Variants in TACC2 observed in about 807,000 individuals in gnomAD.
TACC2 encodes transforming acidic coiled-coil-containing protein 2.
Under a neutral mutation model 227.3 loss-of-function variants are expected in TACC2, and 137 were observed. The ratio of observed to expected loss-of-function variants is 0.60; its 90% confidence interval spans 0.52 to 0.69. The LOEUF is 0.69. Among genes scored for constraint, TACC2 ranks in the 30% least tolerant of loss-of-function variants. The probability of loss-of-function intolerance (pLI) is 0.00; values close to 1 mark genes in which losing one functional copy is unlikely to be tolerated. For synonymous variants in TACC2, 1,523 were observed against 1,487.5 expected, an observed-to-expected ratio of 1.02 and a Z score of -0.55; for missense variants, 3,470 against 3,694.4, an observed-to-expected ratio of 0.94 and a Z score of 1.57.
intron 6 of TACC2, among the ~76,000 whole-genome samples, chr10:122,143,285 A>T (rs2090903377): frequency 6.6e-6 from 1 of 152,200 alleles, no homozygotes; most frequent in African/African-American, 2.4e-5. Context: ...AAACTCACAT[A>T]GCGTGTCCTG....
At chr10:122,227,376 ACT>A (rs1419981457) in intron 13 of TACC2, among the ~76,000 whole-genome samples, 3 of 152,034 alleles carry the variant, frequency 2.0e-5, no homozygotes, top group African/African-American at 2.4e-5. Context: ...TACAAAAGAG[ACT>A]CTGCAGGCTG....
intron 5 of TACC2, among the ~76,000 whole-genome samples, chr10:122,090,843 A>G (rs1032515832): frequency 8.5e-5 from 13 of 152,082 alleles, no homozygotes; most frequent in Admixed American, 4.6e-4. Flanking sequence ...CGACCACCCC[A>G]GGATCCTCCC....
At chr10:122,067,724 T>A (rs2077542956) in intron 3 of TACC2, among the ~76,000 whole-genome samples, 2 of 152,336 alleles carry the variant, frequency 1.3e-5, no homozygotes, top group South Asian at 4.1e-4. Flanking sequence ...CAGGCTGGTC[T>A]CGAACTCCTG....
intron 1 of TACC2, among the ~76,000 whole-genome samples, chr10:121,998,029 C>T (rs540748051): frequency 3.3e-5 from 5 of 151,948 alleles, no homozygotes; most frequent in Admixed American, 6.6e-5. Context: ...GAAGACTCCT[C>T]GGCTGGGCAC....
chr10:122,087,981 C>A lies in TACC2; in HGVS notation c.5459+22C>A, dbSNP rs113959513. The A allele has an allele frequency of 3.5e-3, 5,254 of 1,493,384 alleles. 14 individuals carry two copies. The highest frequency in any genetic ancestry group is 3.8e-3 in the Non-Finnish European group (4,245 of 1,122,674). 92.5% of individuals were successfully genotyped at this position (1,493,384 alleles called of 1,614,324 possible). On this transcript the variant is annotated intron_variant, in intron 4 of 22. Coordinates refer to ENST00000369005, the MANE Select transcript of TACC2 (RefSeq NM_206862.4). The stretch of plus-strand genomic sequence containing the variant: ...ACAGGTACTTAAATGAAAAAATTCC[C>A]ACGGGAATGTGTGGTCAGTTTCAAA...
chr10:122,033,039 A>C lies in TACC2; in HGVS notation c.33+11025A>C. 3 of 1,117,362 alleles carry C rather than the reference A, an allele frequency of 2.7e-6. No homozygotes were observed. In the South Asian group the frequency reaches 3.9e-5, roughly 14 times the overall value. 69.2% of individuals were successfully genotyped at this position (1,117,362 alleles called of 1,614,324 possible). On this transcript the variant is annotated intron_variant, in intron 2 of 22. Coordinates refer to ENST00000369005, the MANE Select transcript of TACC2 (RefSeq NM_206862.4). ...CCCACAAAAACACCAAAGATTGTCCATCTGGTCCTGTTCCCTGCGACCTGT... is the reference window on the plus strand; with the variant it reads ...CCCACAAAAACACCAAAGATTGTCCCTCTGGTCCTGTTCCCTGCGACCTGT...
In TACC2 at chr10:122,143,668, C is replaced by T. The variant is rs1167402538; in HGVS notation, c.5796C>T (p.Ser1932=). The T allele has an allele frequency of 1.2e-6, 2 of 1,614,148 alleles. No homozygotes were observed. Among genetic ancestry groups the T allele is most frequent in the East Asian group, 2.2e-5 (1 of 44,880 alleles). ...CAGCTGGTGACAGAGTAGAAGCTTC[C>T]ACTCCCTCCTGCCCAGATCCGGCCA... The part of the protein sequence containing the change: ...SAPAGDRVEA[S]TPSCPDPAKD... The change falls in exon 7 of 23, where the codon TCC becomes TCT. Residue 1932 remains serine, a synonymous_variant. Coordinates refer to ENST00000369005, the MANE Select transcript of TACC2 (RefSeq NM_206862.4).
chr10:122,000,802 G>T (rs1409972941), intron 1 of TACC2, among the ~76,000 whole-genome samples: 1 of 151,846 alleles, frequency 6.6e-6, no homozygotes, highest in African/African-American at 2.4e-5. Flanking sequence ...TTTGTTTTCT[G>T]TTTTTTGTTG....
rs1430782646 is a variant in TACC2, at chr10:122,210,338, G to A, written c.5972-59G>A. 6 of 1,348,586 alleles carry A rather than the reference G, an allele frequency of 4.4e-6. No homozygotes were observed. In the South Asian group the frequency reaches 7.1e-5, roughly 16 times the overall value. The allele number at this position is 1,348,586 out of a possible 1,614,324, so 83.5% of individuals were successfully genotyped here. On this transcript the variant is annotated intron_variant, in intron 8 of 22. Coordinates refer to ENST00000369005, the MANE Select transcript of TACC2 (RefSeq NM_206862.4). The surrounding 1 kb of genome is among the most constrained non-coding windows in gnomAD (Gnocchi z 4.6). The stretch of plus-strand genomic sequence containing the variant: ...GGAGGGTGATGTTTTGGTACAAGAG[G>A]AGAGGTGCCCCAATGCGTCCTGTGT...
chr10:122,250,083 G>A (rs915705843), intron 22 of TACC2, among the ~76,000 whole-genome samples: 3 of 152,316 alleles, frequency 2.0e-5, no homozygotes, highest in African/African-American at 4.8e-5. Context: ...CTGGAAGGGC[G>A]CCCAGGTGGC....
intron 7 of TACC2, among the ~76,000 whole-genome samples, chr10:122,146,668 C>A (rs2091417077): frequency 6.6e-6 from 1 of 152,184 alleles, no homozygotes; most frequent in Non-Finnish European, 1.5e-5. Flanking sequence ...TTTGACTTCT[C>A]AGACTCCATA....
chr10:122,135,762 C>T (rs1320825383), intron 6 of TACC2, among the ~76,000 whole-genome samples: 1 of 152,216 alleles, frequency 6.6e-6, no homozygotes, highest in East Asian at 1.9e-4. Context: ...CAGACATGTG[C>T]AGAGCTGCCC....
chr10:122,097,251 C>A (rs146398850), intron 5 of TACC2, among the ~76,000 whole-genome samples: 8,817 of 152,144 alleles, frequency 0.058, 288 homozygotes, highest in East Asian at 0.14. Flanking sequence ...ATCGCTTGAG[C>A]CCAGGAGGTC....
chr10:122,044,033 C>G (rs1271853779), intron 2 of TACC2, among the ~76,000 whole-genome samples: 1 of 152,198 alleles, frequency 6.6e-6, no homozygotes, highest in African/African-American at 2.4e-5. Flanking sequence ...CTAGACCCAG[C>G]CCTTACTATT....
chr10:122,000,092 G>A (rs1488916179), intron 1 of TACC2, among the ~76,000 whole-genome samples: 1 of 152,208 alleles, frequency 6.6e-6, no homozygotes, highest in Non-Finnish European at 1.5e-5. Flanking sequence ...GGGAAATTCA[G>A]TTTAGAAAAT....
chr10:122,176,117 C>CTCTCTCTCTATATATA (rs1447382017), intron 7 of TACC2, among the ~76,000 whole-genome samples: 2 of 54,642 alleles, frequency 3.7e-5, no homozygotes, highest in Admixed American at 2.2e-4. Flanking sequence ...CTCTCTCTCT[C>CTCTCTCTCTATATATA]TATATATATA....
At chr10:122,248,298 C>T (rs2096174309) in intron 19 of TACC2, 1 of 223,448 alleles carries the variant, frequency 4.5e-6, no homozygotes, top group Non-Finnish European at 9.0e-6. Flanking sequence ...TTCTTTTTTA[C>T]TTTACGGATC....
Position 122,210,156 on chromosome 10 carries a change from A to T in TACC2, c.5972-241A>T. The T allele has an allele frequency of 1.7e-6, 1 of 577,384 alleles. No homozygotes were observed. Among genetic ancestry groups the T allele is most frequent in the Non-Finnish European group, 3.1e-6 (1 of 317,558 alleles). 35.8% of individuals were successfully genotyped at this position (577,384 alleles called of 1,614,324 possible). The stretch of plus-strand genomic sequence containing the variant: ...AATGAATACTCTGAGCTGTTCTTTA[A>T]TCGGTCCTCATGATCCTCATTGTAC... On this transcript the variant is annotated intron_variant, in intron 8 of 22. Transcript: ENST00000369005. This position sits in a 1 kb window ranked among gnomAD's most constrained non-coding sequence, Gnocchi z 4.6.
chr10:122,200,758 C>T lies in TACC2; in HGVS notation c.5971+5582C>T, dbSNP rs370679741. ...AGTGGCCGTGTTCACATGGGGAGGA[C>T]GGCCACCTCACCTGCCCACAGTGGC... On this transcript the variant is annotated intron_variant, in intron 8 of 22. Coordinates refer to ENST00000369005, the MANE Select transcript of TACC2 (RefSeq NM_206862.4). 1.9e-3 allele frequency among the ~76,000 whole-genome samples: 274 copies of T among 141,938 alleles called. 6 individuals are homozygous for T. Among genetic ancestry groups the T allele is most frequent in the Admixed American group, 0.015 (214 of 14,316 alleles). The allele number at this position is 141,938 out of a possible 152,430, so 93.1% of individuals were successfully genotyped here.
Sources: gnomAD v4.1 joint callset for allele counts (sites outside exome capture counted in the v4.1 genomes callset) on GRCh38, gnomAD v4.1.1 for gene constraint, Gnocchi (gnomAD v3.1) non-coding constraint, MANE v1.5 for transcripts, NCBI Gene and HGNC (gene_info 2026-07-23, HGNC 2026-07-21) for gene names.